HMCN1: variants seen among roughly 807,000 people sequenced by gnomAD.
HMCN1 encodes hemicentin-1.
A neutral mutation model predicts 625.9 loss-of-function variants in HMCN1; 321 were observed. The ratio of observed to expected loss-of-function variants is 0.51; its 90% CI spans 0.47 to 0.56. HMCN1 has a LOEUF of 0.56. Ranked by LOEUF, HMCN1 falls within the 20% of genes least tolerant of loss-of-function variation. The pLI is 0.00. For synonymous variants in HMCN1, 2,425 were observed against 2,417.6 expected (o/e 1.00, Z -0.09); for missense variants, 6,588 against 6,887.3 (o/e 0.96, Z 1.54).
chr1:185,856,222 C>T (rs1453194511), intron 2 of HMCN1, among the ~76,000 whole-genome samples: 2 of 152,168 alleles, frequency 1.3e-5, no homozygotes, highest in African/African-American at 4.8e-5. Context: ...GGCGTGGTGG[C>T]TCACGCCTGT....
chr1:186,176,661 G>A (rs148289258), intron 103 of HMCN1, among the ~76,000 whole-genome samples: 44 of 152,304 alleles, frequency 2.9e-4, no homozygotes, highest in African/African-American at 9.1e-4. Context: ...CTCTGTCCTC[G>A]TGGAGTTTAC....
At chr1:185,780,554 T>C (rs1012021003) in intron 1 of HMCN1, among the ~76,000 whole-genome samples, 1 of 152,240 alleles carries the variant, frequency 6.6e-6, no homozygotes, top group African/African-American at 2.4e-5. Context: ...GTTTTTAGCA[T>C]GAAGGGCTGA....
intron 1 of HMCN1, among the ~76,000 whole-genome samples, chr1:185,826,745 G>C (rs1438413462): frequency 6.6e-6 from 1 of 152,096 alleles, no homozygotes; most frequent in Non-Finnish European, 1.5e-5. Flanking sequence ...TTGAGGAAGT[G>C]TAAAAAGGAA....
intron 11 of HMCN1, among the ~76,000 whole-genome samples, chr1:185,959,704 C>G (rs1299933457): frequency 6.6e-6 from 1 of 151,932 alleles, no homozygotes; most frequent in African/African-American, 2.4e-5. Context: ...TTGGAAATCT[C>G]AAGTAAAAGT....
chr1:186,145,226 T>C (rs1650235546), intron 91 of HMCN1, among the ~76,000 whole-genome samples, 177 bp from the exon 92 acceptor site: 1 of 152,258 alleles, frequency 6.6e-6, no homozygotes, highest in Non-Finnish European at 1.5e-5. Context: ...ACTCAGTTTC[T>C]AGTCAAAACC....
chr1:185,902,938 TAGA>T (rs1257279305), intron 4 of HMCN1, among the ~76,000 whole-genome samples: 5 of 149,850 alleles, frequency 3.3e-5, no homozygotes, highest in African/African-American at 1.2e-4. Context: ...AGGTATTTAG[TAGA>T]AGAAGAAAAA....
chr1:186,158,957 A>G (rs552648376), intron 97 of HMCN1, among the ~76,000 whole-genome samples: 12 of 152,198 alleles, frequency 7.9e-5, no homozygotes, highest in African/African-American at 2.6e-4. Flanking sequence ...GTTTTTTCCA[A>G]TTCTGTGAAG....
intron 51 of HMCN1, 132 bp from the exon 52 acceptor site, chr1:186,070,480 A>T: frequency 1.3e-6 from 1 of 759,900 alleles, no homozygotes; most frequent in Non-Finnish European, 2.3e-6. Flanking sequence ...TTAGATACTT[A>T]ATGAAAGGTC....
At chr1:185,864,446 T>C (rs1384109663) in intron 2 of HMCN1, 24 bp from the exon 3 acceptor site, 8 of 1,612,500 alleles carry the variant, frequency 5.0e-6, no homozygotes, top group Non-Finnish European at 6.8e-6. Context: ...ATGACGTAAT[T>C]GAATTTTTCT....
intron 11 of HMCN1, among the ~76,000 whole-genome samples, chr1:185,938,365 T>C (rs1048016093): frequency 1.3e-5 from 2 of 152,192 alleles, no homozygotes; most frequent in Non-Finnish European, 2.9e-5. Context: ...ACTAAACCCA[T>C]TGTAAACAGA....
chr1:185,988,339 C>A (rs952708067), intron 20 of HMCN1, among the ~76,000 whole-genome samples: 2 of 152,184 alleles, frequency 1.3e-5, no homozygotes, highest in South Asian at 4.1e-4. Context: ...ACAAAGATGG[C>A]ACATTTTCTG....
In HMCN1 at chr1:186,165,117, G is replaced by A. The variant is rs756555900; in HGVS notation, c.15263G>A (p.Arg5088His). ...KIHASISKGD[R>H]SNQCPSGFTL... ...GCTTTCCTCTCTGTGGTAGGAGATC[G>A]CAGTAATCAGTGCCCCTCCGGGTTT... The change falls in exon 98 of 107, where the codon CGC (arginine) becomes CAC (histidine). Residue 5088 changes from arginine (R) to histidine (H), a missense_variant. This residue lies in a region of HMCN1 where 1,954 missense variants were observed against 2,013.1 expected (regional missense o/e 0.97). Transcript: ENST00000271588. The A allele has an allele frequency of 3.5e-5, 57 of 1,613,884 alleles. 1 individual carries two copies. The highest frequency in any genetic ancestry group is 2.0e-4 in the East Asian group (9 of 44,884).
intron 1 of HMCN1, among the ~76,000 whole-genome samples, chr1:185,823,359 G>A (rs1007204440): frequency 1.3e-5 from 2 of 151,986 alleles, no homozygotes; most frequent in Non-Finnish European, 2.9e-5. Context: ...TAATATACAA[G>A]GCAAACATGT....
At position 185,977,784 on chromosome 1, in the gene HMCN1, C is replaced by T. The variant is rs186546131; in HGVS notation, c.2372-3C>T. ...CTTATTTGTTGTTTGTAATGTCTTC[C>T]AGCACCTCCAGTTTTCATACAAGAA... On this transcript the variant is annotated splice_region_variant and splice_polypyrimidine_tract_variant and intron_variant, in intron 15 of 106. Coordinates refer to ENST00000271588, the MANE Select transcript of HMCN1 (RefSeq NM_031935.3). 401 of 1,604,870 alleles carry T rather than the reference C, an allele frequency of 2.5e-4. 2 individuals are homozygous for T. In the African/African-American group the frequency reaches 4.7e-3, roughly 19 times the overall value.
intron 35 of HMCN1, 25 bp downstream of exon 35, chr1:186,019,720 A>G: frequency 6.3e-7 from 1 of 1,593,590 alleles, no homozygotes; most frequent in Non-Finnish European, 8.6e-7. Flanking sequence ...TACTCAGCCT[A>G]AACTGGGAAA....
At chr1:186,106,327 GT>G (rs1246352117) in intron 69 of HMCN1, among the ~76,000 whole-genome samples, 2 of 152,068 alleles carry the variant, frequency 1.3e-5, no homozygotes, top group African/African-American at 4.8e-5. Context: ...AATGATTTTG[GT>G]TTTAGTTAGA....
chr1:186,142,034 A>G (rs941223732), intron 89 of HMCN1, among the ~76,000 whole-genome samples: 7 of 152,162 alleles, frequency 4.6e-5, no homozygotes, highest in African/African-American at 1.4e-4. Flanking sequence ...TTTCAGAGGT[A>G]TATGTTCAGG....
At chr1:185,889,651 G>C (rs1187068056) in intron 4 of HMCN1, among the ~76,000 whole-genome samples, 4 of 138,166 alleles carry the variant, frequency 2.9e-5, no homozygotes, top group Non-Finnish European at 6.0e-5. Flanking sequence ...TGCATCCCAG[G>C]GATGAAGCCC....
rs1280267664 is a variant in HMCN1, at chr1:186,182,353, T to C, written c.16414+66T>C. 1.8e-4 allele frequency: 282 copies of C among 1,583,010 alleles called. 1 individual carries two copies. Among genetic ancestry groups the C allele is most frequent in the Non-Finnish European group, 1.0e-5 (12 of 1,154,208 alleles). On this transcript the variant is annotated intron_variant, in intron 105 of 106. Coordinates refer to ENST00000271588, the MANE Select transcript of HMCN1 (RefSeq NM_031935.3). ...AAAAACCAACAGAGAGTGTGAGAAG[T>C]TTTTTTTCAATAATCATTCTCCTAG...
Sources: allele counts gnomAD v4.1 joint callset (sites outside exome capture counted in the v4.1 genomes callset), GRCh38; gene constraint gnomAD v4.1.1; regional missense constraint gnomAD v4.1.1; transcripts MANE v1.5; gene names NCBI Gene and HGNC (gene_info 2026-07-23, HGNC 2026-07-21).